MYT1L: variants seen among roughly 807,000 people sequenced by gnomAD.
MYT1L encodes the protein myelin transcription factor 1-like protein.
In MYT1L, 12 loss-of-function variants were observed where a neutral mutation model predicts 126.7. The ratio of observed to expected loss-of-function variants is 0.09; its 90% CI spans 0.06 to 0.15. MYT1L has a LOEUF of 0.15. Ranked by LOEUF, MYT1L falls within the 10% of genes least tolerant of loss-of-function variation. The pLI is 1.00. For missense variants in MYT1L, 979 were observed against 1,585.2 expected, an observed-to-expected ratio of 0.62 and a Z score of 6.49; for synonymous variants, 541 against 604.2, an observed-to-expected ratio of 0.90 and a Z score of 1.53.
intron 8 of MYT1L, among the ~76,000 whole-genome samples, chr2:1,952,894 CCTT>C (rs1202264673): frequency 2.5e-5 from 2 of 80,152 alleles, no homozygotes; most frequent in Admixed American, 2.3e-4. Flanking sequence ...TCCCTTCCCT[CCTT>C]CTTTCCCTTC....
chr2:2,327,991 A>C (rs2096261878), intron 1 of MYT1L, among the ~76,000 whole-genome samples: 1 of 152,218 alleles, frequency 6.6e-6, no homozygotes, highest in East Asian at 1.9e-4. Flanking sequence ...TAGAGTTGGA[A>C]ATCTAGTTTA....
At chr2:2,180,866 G>A (rs1035136213) in intron 2 of MYT1L, among the ~76,000 whole-genome samples, 1 of 151,672 alleles carries the variant, frequency 6.6e-6, no homozygotes, top group African/African-American at 2.4e-5. Context: ...GCCTGTGTGT[G>A]CACCTGTATC....
At chr2:2,108,817 T>C (rs1172234749) in intron 3 of MYT1L, among the ~76,000 whole-genome samples, 1 of 152,238 alleles carries the variant, frequency 6.6e-6, no homozygotes, top group Non-Finnish European at 1.5e-5. Flanking sequence ...GAATATCTAT[T>C]TTGTTACTTA....
At chr2:1,985,308 G>C (rs1023191194) in intron 5 of MYT1L, among the ~76,000 whole-genome samples, 1 of 152,244 alleles carries the variant, frequency 6.6e-6, no homozygotes, top group African/African-American at 2.4e-5. Context: ...GGGTAAGGAA[G>C]GCTCGGGGAA....
At chr2:1,853,746 C>A (rs1026274924) in intron 18 of MYT1L, among the ~76,000 whole-genome samples, 1 of 152,156 alleles carries the variant, frequency 6.6e-6, no homozygotes, top group Non-Finnish European at 1.5e-5. Flanking sequence ...AAAATTTATT[C>A]ATTTTAATAT....
rs112096056 is a variant in MYT1L, at chr2:2,002,777, C to T, written c.-157-5430G>A. On this transcript the variant is annotated intron_variant, in intron 4 of 24. Coordinates refer to ENST00000647738, the MANE Select transcript of MYT1L (RefSeq NM_001303052.2). ...GCACCAAGTGGAGGTAACTGGATCA[C>T]GGGGGCGGGGCAGTTTCCCCCATGC... Among the ~76,000 whole-genome samples the T allele has an allele frequency of 5.7e-3, 875 of 152,186 alleles. 7 individuals are homozygous for T. Among genetic ancestry groups the T allele is most frequent in the African/African-American group, 0.02 (813 of 41,530 alleles).
At chr2:2,315,401 T>C (rs1301322978) in intron 1 of MYT1L, among the ~76,000 whole-genome samples, 1 of 152,134 alleles carries the variant, frequency 6.6e-6, no homozygotes, top group East Asian at 1.9e-4. Flanking sequence ...GTATTGGGGG[T>C]TTGGTTTCTT....
chr2:2,201,917 GAAA>G (rs1240736927), intron 2 of MYT1L, among the ~76,000 whole-genome samples: 2 of 152,024 alleles, frequency 1.3e-5, no homozygotes, highest in Non-Finnish European at 2.9e-5. Context: ...AGCTAATGAA[GAAA>G]AATAAGCATT....
intron 3 of MYT1L, among the ~76,000 whole-genome samples, chr2:2,138,782 C>A (rs1289866297): frequency 6.9e-6 from 1 of 144,372 alleles, no homozygotes; most frequent in Non-Finnish European, 1.5e-5. Context: ...CAGCATGGCA[C>A]ATGTATACAT....
chr2:1,891,490 G>A (rs756668321), intron 15 of MYT1L, among the ~76,000 whole-genome samples: 4 of 152,196 alleles, frequency 2.6e-5, no homozygotes, highest in Non-Finnish European at 5.9e-5. Context: ...CTCTTCCTAT[G>A]CCTTTCATAG....
chr2:2,211,692 C>A (rs893468598), intron 2 of MYT1L, among the ~76,000 whole-genome samples: 2 of 151,564 alleles, frequency 1.3e-5, no homozygotes, highest in African/African-American at 2.4e-5. Flanking sequence ...CTAGTCCCAG[C>A]TACTCAGGAG....
At chr2:1,823,820 C>A (rs1457072711) in intron 21 of MYT1L, among the ~76,000 whole-genome samples, 1 of 152,238 alleles carries the variant, frequency 6.6e-6, no homozygotes, top group Non-Finnish European at 1.5e-5. Context: ...CGGCCCTCGT[C>A]CCGTGTGGTC....
At chr2:1,822,182 G>A (rs1219591117) in intron 21 of MYT1L, among the ~76,000 whole-genome samples, 1 of 152,294 alleles carries the variant, frequency 6.6e-6, no homozygotes, top group East Asian at 1.9e-4. Flanking sequence ...TGCTTGGGCT[G>A]GGCGGCTCCC....
At chr2:2,188,454 G>A (rs2092360858) in intron 2 of MYT1L, among the ~76,000 whole-genome samples, 1 of 152,214 alleles carries the variant, frequency 6.6e-6, no homozygotes, top group African/African-American at 2.4e-5. Context: ...GCCGATAGGA[G>A]CCGTGCACAA....
At chr2:2,243,090 A>G (rs1426152795) in intron 2 of MYT1L, among the ~76,000 whole-genome samples, 1 of 152,158 alleles carries the variant, frequency 6.6e-6, no homozygotes. Context: ...GAATGAAGGA[A>G]GGGCCCCAGG....
chr2:2,121,819 T>C (rs1302673060), intron 3 of MYT1L, among the ~76,000 whole-genome samples: 1 of 152,174 alleles, frequency 6.6e-6, no homozygotes, highest in Non-Finnish European at 1.5e-5. Context: ...GAATGCAGTC[T>C]TCGTCCTCCC....
chr2:1,799,354 C>T (rs1364983616), intron 23 of MYT1L, among the ~76,000 whole-genome samples: 6 of 152,272 alleles, frequency 3.9e-5, no homozygotes, highest in Middle Eastern at 6.8e-3. Flanking sequence ...AAGCAGCCTG[C>T]GTAGGCACAT....
intron 3 of MYT1L, among the ~76,000 whole-genome samples, chr2:2,095,732 T>C (rs1028782292): frequency 1.3e-5 from 2 of 151,826 alleles, no homozygotes; most frequent in Non-Finnish European, 2.9e-5. Context: ...AATAAATACA[T>C]GAGCATCAGG....
At chr2:2,133,138 C>T (rs2082603643) in intron 3 of MYT1L, among the ~76,000 whole-genome samples, 1 of 152,076 alleles carries the variant, frequency 6.6e-6, no homozygotes, top group African/African-American at 2.4e-5. Flanking sequence ...GGCAAAGGCT[C>T]GCATGCCAGC....
Sources: allele counts gnomAD v4.1 joint callset (sites outside exome capture counted in the v4.1 genomes callset), GRCh38; gene constraint gnomAD v4.1.1; transcripts MANE v1.5; gene names NCBI Gene and HGNC (gene_info 2026-07-23, HGNC 2026-07-21).